The following DCC variants were observed in gnomAD, a reference collection of about 807,000 sequenced individuals.
DCC encodes netrin receptor DCC.
Under a neutral mutation model 172.5 loss-of-function variants are expected in DCC, and 58 were observed. The observed-to-expected ratio is 0.34, with a 90% confidence interval of 0.27 to 0.42. The LOEUF (loss-of-function observed/expected upper bound fraction) is 0.42. DCC is among the 10% of genes least tolerant of loss of function. DCC has a pLI of 1.00. For missense variants in DCC, 1,740 were observed against 1,791.0 expected (o/e 0.97, Z 0.51); for synonymous variants, 709 against 644.5 (o/e 1.10, Z -1.52).
At chr18:52,472,568 T>A (rs1221972) in intron 1 of DCC, among the ~76,000 whole-genome samples, 141,094 of 152,234 alleles carry the variant, frequency 0.93, 66,115 homozygotes, top group Middle Eastern at 1. Flanking sequence ...GTCCTCTAGA[T>A]CTAAATATAT....
At chr18:53,445,933 GT>G (rs201925213) in intron 22 of DCC, among the ~76,000 whole-genome samples, 12 of 150,996 alleles carry the variant, frequency 7.9e-5, no homozygotes, top group African/African-American at 2.7e-4. Context: ...ATGATACAAG[GT>G]TTTTTTTCCT....
intron 5 of DCC, among the ~76,000 whole-genome samples, chr18:52,950,464 C>T (rs532924660): frequency 6.6e-6 from 1 of 152,308 alleles, no homozygotes; most frequent in South Asian, 2.1e-4. Flanking sequence ...GCAGAAGGCT[C>T]TAAACAAATT....
intron 12 of DCC, among the ~76,000 whole-genome samples, chr18:53,280,699 C>G (rs2056860527): frequency 6.6e-6 from 1 of 151,926 alleles, no homozygotes; most frequent in South Asian, 2.1e-4. Flanking sequence ...AATGGAGCAG[C>G]CTGACAATTT....
At position 53,391,717 on chromosome 18, in the gene DCC, C is replaced by T. The variant is rs938733682; in HGVS notation, c.2518C>T (p.Leu840Phe). The change falls in exon 17 of 29, where the codon CTC becomes TTC. Residue 840 changes from leucine (L) to phenylalanine (F), a missense_variant. Coordinates refer to ENST00000442544, the MANE Select transcript of DCC (RefSeq NM_005215.4). Reference sequence around the variant, plus strand: ...TGATTTCCCCACCTCGGTCCCAGATCTCTCCACCCCCATGCTCCCACCAGT... The same window carrying T: ...TGATTTCCCCACCTCGGTCCCAGATTTCTCCACCCCCATGCTCCCACCAGT... ...LDDFPTSVPD[L>F]STPMLPPVGV... The T allele has an allele frequency of 6.8e-6, 11 of 1,614,000 alleles. No individual in the cohort carries two copies. The African/African-American group carries it at 1.2e-4, about 18-fold the overall frequency.
intron 13 of DCC, among the ~76,000 whole-genome samples, chr18:53,310,080 C>G (rs996132155): frequency 3.3e-5 from 5 of 151,646 alleles, no homozygotes; most frequent in African/African-American, 1.2e-4. Context: ...GTTCCCTCCT[C>G]TCCCCTGCTC....
At chr18:53,347,251 C>T (rs1316647227) in intron 15 of DCC, among the ~76,000 whole-genome samples, 2 of 152,202 alleles carry the variant, frequency 1.3e-5, no homozygotes, top group African/African-American at 4.8e-5. Context: ...AAACAGAAAA[C>T]TAATTCCAAC....
chr18:52,851,906 CATCTT>C (rs1325440846), intron 2 of DCC, among the ~76,000 whole-genome samples: 2 of 152,106 alleles, frequency 1.3e-5, no homozygotes, highest in Non-Finnish European at 2.9e-5. Context: ...ACCAGATAAT[CATCTT>C]ATAAGTTGAG....
intron 1 of DCC, among the ~76,000 whole-genome samples, chr18:52,660,807 G>A (rs140604590): frequency 4.3e-4 from 66 of 152,186 alleles, no homozygotes; most frequent in African/African-American, 1.3e-3. Flanking sequence ...CAAAATAAAC[G>A]TGGTTCCAAC....
chr18:53,046,468 T>C (rs2042239124), intron 5 of DCC, among the ~76,000 whole-genome samples: 1 of 102,116 alleles, frequency 9.8e-6, no homozygotes, highest in Non-Finnish European at 2.0e-5. Flanking sequence ...AGACTCAGAA[T>C]TTTAAAACTG....
At chr18:52,968,653 A>C (rs1434615853) in intron 5 of DCC, among the ~76,000 whole-genome samples, 13 of 152,208 alleles carry the variant, frequency 8.5e-5, no homozygotes, top group Non-Finnish European at 4.4e-5. Context: ...AACCAGTAAA[A>C]TTATTCTGTA....
chr18:52,904,243 G>T (rs1326736938), intron 2 of DCC, among the ~76,000 whole-genome samples: 1 of 152,140 alleles, frequency 6.6e-6, no homozygotes, highest in Admixed American at 6.6e-5. Flanking sequence ...TCTTAATATT[G>T]CATCTCTAGG....
intron 7 of DCC, among the ~76,000 whole-genome samples, chr18:53,084,069 A>T (rs1223816097): frequency 6.6e-6 from 1 of 152,192 alleles, no homozygotes; most frequent in African/African-American, 2.4e-5. Context: ...ATTTTTAAAA[A>T]GGAATTCAAT....
rs1257594230 is a variant in DCC, at chr18:52,906,334, G to A, written c.697+6G>A. 6 of 1,613,578 alleles carry A rather than the reference G, an allele frequency of 3.7e-6. No individual in the cohort carries two copies. The highest frequency in any genetic ancestry group is 5.1e-6 in the Non-Finnish European group (6 of 1,179,928). On this transcript the variant is annotated splice_donor_region_variant and intron_variant, in intron 3 of 28. Coordinates refer to ENST00000442544, the MANE Select transcript of DCC (RefSeq NM_005215.4). The stretch of plus-strand genomic sequence containing the variant: ...AGAAGTCAGAATTTTATCAGGTATT[G>A]CAATGCTCTTTGTTGCCTTCAGAAT...
chr18:52,784,676 A>AT (rs1437195929), intron 2 of DCC, among the ~76,000 whole-genome samples: 2 of 151,946 alleles, frequency 1.3e-5, no homozygotes, highest in Non-Finnish European at 2.9e-5. Context: ...GATATTGAAA[A>AT]TTTTTTAAAT....
intron 9 of DCC, among the ~76,000 whole-genome samples, chr18:53,189,678 A>T (rs1202368901): frequency 6.6e-6 from 1 of 152,190 alleles, no homozygotes; most frequent in African/African-American, 2.4e-5. Flanking sequence ...TCTCTTCAGA[A>T]TTCTAACCCT....
intron 15 of DCC, among the ~76,000 whole-genome samples, chr18:53,355,585 G>C (rs2057868775): frequency 6.6e-6 from 1 of 152,224 alleles, no homozygotes; most frequent in South Asian, 2.1e-4. Context: ...TGTTATTAGT[G>C]TATAAGAATG....
intron 12 of DCC, among the ~76,000 whole-genome samples, chr18:53,272,740 T>C (rs954133970): frequency 1.1e-4 from 16 of 152,162 alleles, no homozygotes; most frequent in Non-Finnish European, 5.9e-5. Flanking sequence ...AAAGAGTGTT[T>C]AGCACCTCTC....
At chr18:53,010,323 G>C (rs1457070286) in intron 5 of DCC, among the ~76,000 whole-genome samples, 6 of 151,700 alleles carry the variant, frequency 4.0e-5, no homozygotes, top group Non-Finnish European at 3.0e-5. Context: ...TATCCTAATA[G>C]AATGTAATGC....
intron 1 of DCC, among the ~76,000 whole-genome samples, chr18:52,566,883 T>C (rs2033173920): frequency 6.6e-6 from 1 of 152,036 alleles, no homozygotes; most frequent in Non-Finnish European, 1.5e-5. Context: ...GACAACTATA[T>C]GACGTACCAT....
Sources: allele counts gnomAD v4.1 joint callset (sites outside exome capture counted in the v4.1 genomes callset), GRCh38; gene constraint gnomAD v4.1.1; transcripts MANE v1.5; gene names NCBI Gene and HGNC (gene_info 2026-07-23, HGNC 2026-07-21).